Variants in AHRR observed in about 807,000 individuals in gnomAD.
AHRR encodes aryl hydrocarbon receptor repressor.
AHRR carries 28 observed loss-of-function variants against 44.0 expected under a neutral mutation model. The observed-to-expected ratio is 0.64, with a 90% CI of 0.47 to 0.87. The LOEUF (loss-of-function observed/expected upper bound fraction) is 0.87. AHRR is among the 40% of genes least tolerant of loss of function. The probability of loss-of-function intolerance (pLI) is 0.00; values close to 1 mark genes in which losing one functional copy is unlikely to be tolerated. For synonymous variants in AHRR, 434 were observed against 407.0 expected (o/e 1.07, Z -0.80); for missense variants, 990 against 953.9 (o/e 1.04, Z -0.50).
At chr5:414,733 A>C (rs1735640397) in intron 5 of AHRR, among the ~76,000 whole-genome samples, 1 of 152,272 alleles carries the variant, frequency 6.6e-6, no homozygotes, top group Non-Finnish European at 1.5e-5. Context: ...ATGATGAAAA[A>C]AGAACAGGTA....
chr5:432,696 T>G, intron 9 of AHRR, 110 bp from the exon 10 acceptor site: 1 of 1,573,100 alleles, frequency 6.4e-7, no homozygotes, highest in South Asian at 1.1e-5. Context: ...CTCTGGTCTG[T>G]GCATTTCTGA....
chr5:435,702 A>C lies in AHRR; in HGVS notation c.*868A>C, dbSNP rs1285927741. On this transcript the variant is annotated 3_prime_UTR_variant, in exon 11 of 11. Transcript: ENST00000684583. Reference sequence around the variant, plus strand: ...AAGTACAGAGAAACACACAACGTAGAGAGAAGACACAGGAAACTGCGCTGC... The same window carrying C: ...AAGTACAGAGAAACACACAACGTAGCGAGAAGACACAGGAAACTGCGCTGC... 2 of 152,356 alleles carry C rather than the reference A, an allele frequency of 1.3e-5. No homozygotes were observed. Among genetic ancestry groups the C allele is most frequent in the Non-Finnish European group, 2.9e-5 (2 of 68,040 alleles). 9.4% of individuals were successfully genotyped at this position (152,356 alleles called of 1,614,324 possible). A position where few individuals can be genotyped will look rare whatever the true frequency, so the allele number is the denominator to read the frequency against.
intron 3 of AHRR, among the ~76,000 whole-genome samples, chr5:375,869 G>C (rs976016577): frequency 6.6e-6 from 1 of 152,220 alleles, no homozygotes; most frequent in African/African-American, 2.4e-5. Context: ...CAGTCTGGAA[G>C]GTGAACGTGT....
At chr5:355,532 G>A (rs1743010153) in intron 3 of AHRR, among the ~76,000 whole-genome samples, 1 of 152,188 alleles carries the variant, frequency 6.6e-6, no homozygotes, top group African/African-American at 2.4e-5. Flanking sequence ...CCCTCTCGCT[G>A]GGAGGTTGGA....
chr5:343,821 G>T, intron 1 of AHRR, 72 bp from the exon 2 acceptor site: 1 of 1,497,368 alleles, frequency 6.7e-7, no homozygotes, highest in Non-Finnish European at 9.0e-7. Context: ...GCGCTGAGGG[G>T]CCCGGGGCAT....
intron 3 of AHRR, among the ~76,000 whole-genome samples, chr5:362,971 T>G (rs1743231467): frequency 6.6e-6 from 1 of 152,244 alleles, no homozygotes; most frequent in Non-Finnish European, 1.5e-5. Context: ...TCCCAGGACT[T>G]TTCTGGTCCC....
chr5:368,341 T>C (rs1743443812), intron 3 of AHRR, among the ~76,000 whole-genome samples: 1 of 152,118 alleles, frequency 6.6e-6, no homozygotes, highest in African/African-American at 2.4e-5. Flanking sequence ...CCGCGTGGGG[T>C]TAGTGGCCTG....
At chr5:399,059 AT>A (rs1261399281) in intron 4 of AHRR, among the ~76,000 whole-genome samples, 1 of 152,316 alleles carries the variant, frequency 6.6e-6, no homozygotes, top group African/African-American at 2.4e-5. Context: ...GGTGGTTCTT[AT>A]CCCCATGCCA....
intron 4 of AHRR, among the ~76,000 whole-genome samples, chr5:409,667 T>A (rs34081763): frequency 0.35 from 53,632 of 151,780 alleles, 10,187 homozygotes; most frequent in African/African-American, 0.47. Flanking sequence ...TTTTTTTTTT[T>A]AATTGTTGAT....
chr5:362,969 C>T (rs1743231332), intron 3 of AHRR, among the ~76,000 whole-genome samples: 1 of 152,254 alleles, frequency 6.6e-6, no homozygotes, highest in Non-Finnish European at 1.5e-5. Context: ...AATCCCAGGA[C>T]TTTTCTGGTC....
At chr5:376,459 G>T in intron 3 of AHRR, 151 bp from the exon 4 acceptor site, 1 of 12,810 alleles carries the variant, frequency 7.8e-5, no homozygotes, top group South Asian at 0.011. Flanking sequence ...GTGGAATGCT[G>T]CGTGGCCTGC....
chr5:417,634 G>A (rs140746923), intron 5 of AHRR, among the ~76,000 whole-genome samples: 42 of 152,326 alleles, frequency 2.8e-4, no homozygotes, highest in Non-Finnish European at 5.6e-4. Flanking sequence ...GACTGGGGCA[G>A]GTGCTGTGCA....
chr5:414,317 G>A (rs1315105183), intron 5 of AHRR, among the ~76,000 whole-genome samples: 3 of 152,044 alleles, frequency 2.0e-5, no homozygotes, highest in Non-Finnish European at 2.9e-5. Flanking sequence ...GGGGAGCAAC[G>A]GAGCTGTTTT....
At chr5:366,132 C>G (rs1195899112) in intron 3 of AHRR, among the ~76,000 whole-genome samples, 1 of 151,532 alleles carries the variant, frequency 6.6e-6, no homozygotes, top group Non-Finnish European at 1.5e-5. Context: ...CTAGCAGCAG[C>G]AATCACACCT....
At chr5:426,605 AGATG>A (rs1736405595) in intron 7 of AHRR, among the ~76,000 whole-genome samples, 1 of 134,758 alleles carries the variant, frequency 7.4e-6, no homozygotes, top group Non-Finnish European at 1.6e-5. Context: ...ACAAATGGAA[AGATG>A]GATGGATGGA....
At chr5:367,870 A>G (rs1743420439) in intron 3 of AHRR, 4 of 702,462 alleles carry the variant, frequency 5.7e-6, no homozygotes, top group Non-Finnish European at 7.8e-6. Flanking sequence ...ACGAAGGCCC[A>G]TGTCGTTCAG....
intron 4 of AHRR, among the ~76,000 whole-genome samples, chr5:391,394 G>A (rs1205159850): frequency 2.6e-5 from 3 of 114,784 alleles, no homozygotes; most frequent in African/African-American, 8.9e-5. Context: ...CGAGGAGGGC[G>A]CAGGGCGAGG....
chr5:365,199 C>T (rs1013437446), intron 3 of AHRR, among the ~76,000 whole-genome samples: 5 of 151,796 alleles, frequency 3.3e-5, no homozygotes, highest in Non-Finnish European at 5.9e-5. Context: ...ACAGAATTCA[C>T]GTATTTTCAA....
At position 340,682 on chromosome 5, in the gene AHRR, ATATATATTTTTTTT is replaced by A. The variant is rs1255372476; in HGVS notation, c.-10-3209_-10-3196del. 7.2e-4 allele frequency among the ~76,000 whole-genome samples: 17 copies of A among 23,766 alleles called. 1 individual carries two copies. Among genetic ancestry groups the A allele is most frequent in the Admixed American group, 4.3e-4 (1 of 2,330 alleles). 15.6% of individuals were successfully genotyped at this position (23,766 alleles called of 152,430 possible). On this transcript the variant is annotated intron_variant, in intron 1 of 10. Coordinates refer to ENST00000684583, the MANE Select transcript of AHRR (RefSeq NM_001377236.1). The stretch of plus-strand genomic sequence containing the variant: ...AGCAATATTATATATATATATATAT[ATATATATTTTTTTT>A]TTTTTTTTTTTTTTTTTGAGTTGGA...
Sources: gnomAD v4.1 joint callset for allele counts (sites outside exome capture counted in the v4.1 genomes callset) on GRCh38, gnomAD v4.1.1 for gene constraint, MANE v1.5 for transcripts, NCBI Gene and HGNC (gene_info 2026-07-23, HGNC 2026-07-21) for gene names.